The following CDKN2A variants were observed in gnomAD, a reference collection of about 807,000 sequenced individuals.
CDKN2A encodes cyclin-dependent kinase inhibitor 2A.
In CDKN2A, 3 loss-of-function variants were observed where a neutral mutation model predicts 11.1. That is an observed-to-expected ratio of 0.27 (90% CI 0.12 to 0.70). The LOEUF (loss-of-function observed/expected upper bound fraction) is 0.70. CDKN2A is among the 30% of genes least tolerant of loss of function. CDKN2A has a pLI of 0.77. For missense variants in CDKN2A, 265 were observed against 233.6 expected (o/e 1.13, Z -0.88); for synonymous variants, 122 against 108.1 (o/e 1.13, Z -0.80).
chr9:21,974,994 G>A, upstream of CDKN2A: 1 of 1,387,484 alleles, frequency 7.2e-7, no homozygotes, highest in Non-Finnish European at 9.3e-7. This position sits in a 1 kb window ranked among gnomAD's most constrained non-coding sequence, Gnocchi z 5.2. Context: ...AGGGACCGCG[G>A]TATCTTTCCA....
At chr9:21,984,820 A>T (rs1454570460) in intron 2 of CDKN2A, among the ~76,000 whole-genome samples, 3 of 151,962 alleles carry the variant, frequency 2.0e-5, no homozygotes, top group African/African-American at 7.2e-5. Context: ...CTTTAAAAGT[A>T]GCTTGCTTTC....
intron 2 of CDKN2A, chr9:21,970,095 C>A (rs1587328893): frequency 3.5e-6 from 1 of 283,282 alleles, no homozygotes; most frequent in Non-Finnish European, 6.6e-6. Context: ...ATGTTCCTCC[C>A]CCCAGAAACA....
At chr9:21,981,196 G>GTA (rs1820192456) in intron 2 of CDKN2A, among the ~76,000 whole-genome samples, 1 of 126,682 alleles carries the variant, frequency 7.9e-6, no homozygotes, top group Non-Finnish European at 1.6e-5. Context: ...ATATATACGT[G>GTA]TATATATATA....
chr9:21,992,540 A>C (rs1291579490), intron 2 of CDKN2A: 1 of 536,634 alleles, frequency 1.9e-6, no homozygotes, highest in Non-Finnish European at 2.4e-6. Context: ...TTTGCATTTC[A>C]TGCATATACA....
chr9:21,980,687 C>T (rs1268600448), intron 2 of CDKN2A, among the ~76,000 whole-genome samples: 1 of 151,646 alleles, frequency 6.6e-6, no homozygotes, highest in East Asian at 2.0e-4. Flanking sequence ...CTGCCAGGCG[C>T]GGTGGCTCAC....
chr9:21,971,235 G>T (rs1300519434), intron 1 of CDKN2A, 27 bp from the exon 2 acceptor site: 1 of 1,590,538 alleles, frequency 6.3e-7, no homozygotes, highest in East Asian at 2.3e-5. Context: ...AATGGTCAGA[G>T]CCAGGGTGGG....
At chr9:21,970,795 G>A in intron 2 of CDKN2A, 107 bp downstream of exon 2, 1 of 1,389,924 alleles carries the variant, frequency 7.2e-7, no homozygotes, top group Non-Finnish European at 9.9e-7. Flanking sequence ...GTGAGCTGAG[G>A]CAAGACCGGA....
intron 2 of CDKN2A, among the ~76,000 whole-genome samples, chr9:21,990,710 T>C (rs1347949731): frequency 6.7e-6 from 1 of 148,698 alleles, no homozygotes; most frequent in African/African-American, 2.5e-5. Context: ...TGCAATCATT[T>C]AACAGTCTAT....
At chr9:21,977,004 T>C (rs1346611745), upstream of CDKN2A, among the ~76,000 whole-genome samples, 2 of 152,258 alleles carry the variant, frequency 1.3e-5, no homozygotes, top group African/African-American at 4.8e-5. Context: ...TTAAAAGTTA[T>C]ATTTCAATCC....
chr9:21,968,744 C>T lies in CDKN2A; in HGVS notation c.458-502G>A, dbSNP rs1197153203. On this transcript the variant is annotated intron_variant, in intron 2 of 2. Coordinates refer to ENST00000304494, the MANE Select transcript of CDKN2A (RefSeq NM_000077.5). The surrounding 1 kb of genome is among the most constrained non-coding windows in gnomAD (Gnocchi z 4.7). Reference sequence around the variant, plus strand: ...GCTTCCCTACGCATGCCTGCTTCTACAAACCCACAAATGGTTTCCGATCAT... The same window carrying T: ...GCTTCCCTACGCATGCCTGCTTCTATAAACCCACAAATGGTTTCCGATCAT... 1 of 1,536,044 alleles carries T rather than the reference C, an allele frequency of 6.5e-7. No homozygotes were observed. The highest frequency in any genetic ancestry group is 1.4e-5 in the African/African-American group (1 of 73,044).
intron 2 of CDKN2A, chr9:21,970,508 G>A: frequency 2.2e-6 from 1 of 453,752 alleles, no homozygotes; most frequent in Non-Finnish European, 4.0e-6. Context: ...AGCCAGCTTG[G>A]TATGCAAATG....
At chr9:21,993,849 T>C (rs1820507566) in intron 2 of CDKN2A, 1 of 429,230 alleles carries the variant, frequency 2.3e-6, no homozygotes, top group African/African-American at 2.2e-5. Context: ...GTGTGTGTCT[T>C]AGTCATTCCC....
chr9:21,994,568 C>A, intron 1 of CDKN2A: 19 of 1,060,552 alleles, frequency 1.8e-5, no homozygotes, highest in Non-Finnish European at 2.4e-5. Flanking sequence ...CGGAACGGCT[C>A]TGAGCCCTGC....
intron 2 of CDKN2A, among the ~76,000 whole-genome samples, chr9:21,993,655 G>C (rs892517338): frequency 6.6e-6 from 1 of 152,112 alleles, no homozygotes; most frequent in Admixed American, 6.5e-5. Flanking sequence ...CGTATCTCAC[G>C]GGTCCTCCAC....
rs141480348 is a variant in CDKN2A at position 21,974,480 on chromosome 9, T to A, written c.150+198A>T. On this transcript the variant is annotated intron_variant, in intron 1 of 2. Transcript: ENST00000304494. The surrounding 1 kb of genome is among the most constrained non-coding windows in gnomAD (Gnocchi z 5.2). ...AGATCTGTACGCGCGTGGCTCCTCATTCCTCTTCCTTGGCTTCCCAAGCCC... is the reference window on the plus strand; with the variant it reads ...AGATCTGTACGCGCGTGGCTCCTCAATCCTCTTCCTTGGCTTCCCAAGCCC... 1.2e-6 allele frequency: 2 copies of A among 1,612,520 alleles called. No homozygotes were observed. The highest frequency in any genetic ancestry group is 2.7e-5 in the African/African-American group (2 of 74,936).
At chr9:21,980,034 G>A (rs1044235786) in intron 2 of CDKN2A, among the ~76,000 whole-genome samples, 2 of 152,172 alleles carry the variant, frequency 1.3e-5, no homozygotes, top group Non-Finnish European at 2.9e-5. Context: ...CAATATGCAC[G>A]TATTTCATGG....
chr9:21,984,747 A>G (rs535130295), intron 2 of CDKN2A, among the ~76,000 whole-genome samples: 62 of 152,094 alleles, frequency 4.1e-4, no homozygotes, highest in Middle Eastern at 3.4e-3. Flanking sequence ...CACCATCTAC[A>G]TGGAAGCTTT....
chr9:21,993,237 G>T (rs888668800), intron 2 of CDKN2A, among the ~76,000 whole-genome samples: 1 of 152,138 alleles, frequency 6.6e-6, no homozygotes, highest in Non-Finnish European at 1.5e-5. Context: ...AATTAGCATT[G>T]TACATATTTT....
chr9:21,974,860 C>A (rs531597737), upstream of CDKN2A: 4 of 1,515,780 alleles, frequency 2.6e-6, no homozygotes, highest in Non-Finnish European at 3.5e-6. The surrounding 1 kb of genome is among the most constrained non-coding windows in gnomAD (Gnocchi z 5.2). Flanking sequence ...CTGCTCTCCC[C>A]CTCTCCGCAG....
Sources: gnomAD v4.1 joint callset for allele counts (sites outside exome capture counted in the v4.1 genomes callset) on GRCh38, gnomAD v4.1.1 for gene constraint, Gnocchi (gnomAD v3.1) non-coding constraint, MANE v1.5 for transcripts, NCBI Gene and HGNC (gene_info 2026-07-23, HGNC 2026-07-21) for gene names.